Variants in TET3 observed in about 807,000 individuals in gnomAD.
TET3 encodes methylcytosine dioxygenase TET3.
TET3 carries 19 observed loss-of-function variants against 141.4 expected under a neutral mutation model. The ratio of observed to expected loss-of-function variants is 0.13; its 90% CI spans 0.09 to 0.20. TET3 has a LOEUF of 0.20. TET3 is among the 10% of genes least tolerant of loss of function. The pLI is 1.00. For synonymous variants in TET3, 1,043 were observed against 980.9 expected (o/e 1.06, Z -1.18); for missense variants, 1,874 against 2,356.9 (o/e 0.80, Z 4.24).
intron 2 of TET3, among the ~76,000 whole-genome samples, chr2:73,988,054 C>T (rs1684135258): frequency 1.3e-5 from 2 of 152,202 alleles, no homozygotes; most frequent in Non-Finnish European, 2.9e-5. Context: ...AGACTCGGGG[C>T]CCTGTTTCCC....
At chr2:74,035,282 G>A (rs1427518502) in intron 3 of TET3, among the ~76,000 whole-genome samples, 34 of 150,136 alleles carry the variant, frequency 2.3e-4, no homozygotes, top group South Asian at 1.3e-3. Context: ...TGGCCAACAT[G>A]GTGAAACCCT....
intron 7 of TET3, 33 bp from the exon 8 acceptor site, chr2:74,089,864 A>G: frequency 6.2e-7 from 1 of 1,611,206 alleles, no homozygotes; most frequent in Middle Eastern, 1.7e-4. Flanking sequence ...GGGATATTGC[A>G]TCTATATCCC....
chr2:74,134,121 G>GTGTC, the TET3 span, among the ~76,000 whole-genome samples: 8 of 152,200 alleles, frequency 5.3e-5, no homozygotes, highest in African/African-American at 1.9e-4. Flanking sequence ...GGGAATCAGT[G>GTGTC]TGTCTAATTT....
At chr2:74,032,451 C>CTGTGTGTGTGTGTGTGTG (rs61217149) in intron 3 of TET3, among the ~76,000 whole-genome samples, 1 of 71,940 alleles carries the variant, frequency 1.4e-5, no homozygotes, top group African/African-American at 1.1e-4. Flanking sequence ...GGGTGTGTCT[C>CTGTGTGTGTGTGTGTGTG]TGTGTGTGTG....
downstream of TET3, among the ~76,000 whole-genome samples, chr2:74,109,649 C>T (rs1397955564): frequency 1.3e-5 from 2 of 152,204 alleles, no homozygotes; most frequent in African/African-American, 4.8e-5. Context: ...CCCTCTGCCA[C>T]GTGACTACAT....
chr2:73,998,434 G>A (rs1011719201), intron 2 of TET3: 27 of 152,760 alleles, frequency 1.8e-4, no homozygotes, highest in African/African-American at 5.8e-4. Context: ...TAGGAAGCAC[G>A]AAGATGGAGT....
At chr2:73,984,492 C>T (rs912213927), upstream of TET3, among the ~76,000 whole-genome samples, 1 of 151,984 alleles carries the variant, frequency 6.6e-6, no homozygotes, top group African/African-American at 2.4e-5. The surrounding 1 kb of genome is among the most constrained non-coding windows in gnomAD (Gnocchi z 5.6). Context: ...CCGGGGGCGC[C>T]GGGGCTGTCC....
chr2:74,072,463 G>C (rs1346539738), intron 4 of TET3, among the ~76,000 whole-genome samples: 1 of 149,608 alleles, frequency 6.7e-6, no homozygotes, highest in African/African-American at 2.5e-5. Context: ...AGTGAGCCAA[G>C]ATCGCGCCAT....
At chr2:74,123,050 T>C in the TET3 span, 7 of 152,168 alleles carry the variant, frequency 4.6e-5, no homozygotes, top group Admixed American at 4.6e-4. Flanking sequence ...GAAAACCCTC[T>C]ACATGTTTGA....
chr2:73,990,988 T>C (rs1284677536), intron 2 of TET3, among the ~76,000 whole-genome samples: 2 of 152,064 alleles, frequency 1.3e-5, no homozygotes, highest in African/African-American at 4.8e-5. Context: ...TTTGTATTTT[T>C]AGTAGAGATG....
At chr2:74,128,118 T>C in the TET3 span, among the ~76,000 whole-genome samples, 4 of 152,216 alleles carry the variant, frequency 2.6e-5, no homozygotes, top group African/African-American at 4.8e-5. Context: ...CCTCAAACAG[T>C]GTTCTCCTTA....
chr2:74,076,182 C>G (rs1689495162), intron 5 of TET3, among the ~76,000 whole-genome samples: 1 of 151,378 alleles, frequency 6.6e-6, no homozygotes. Context: ...CCCCCTGATT[C>G]TTTAAAAATA....
At position 74,047,661 on chromosome 2, in the gene TET3, C is replaced by T. The variant is rs773203661; in HGVS notation, c.1744C>T (p.Leu582Phe). Residue 582 changes from leucine to phenylalanine, a missense_variant, in exon 4 of 12, where the codon CTC becomes TTC. By Grantham distance (22) the Leu-to-Phe change is conservative. Coordinates refer to ENST00000409262, the MANE Select transcript of TET3 (RefSeq NM_001287491.2). ...DRPPKEKKKK[L>F]PTPAGGPVGT... The stretch of plus-strand genomic sequence containing the variant: ...ACCACCCAAGGAGAAGAAGAAGAAG[C>T]TCCCAACACCAGCTGGAGGTCCCGT... 2 of 1,613,040 alleles carry T rather than the reference C, an allele frequency of 1.2e-6. No individual in the cohort carries two copies. The highest frequency in any genetic ancestry group is 4.5e-5 in the East Asian group (2 of 44,842).
At chr2:74,073,449 T>C in intron 4 of TET3, 100 bp from the exon 5 acceptor site, 1 of 808,268 alleles carries the variant, frequency 1.2e-6, no homozygotes, top group Non-Finnish European at 1.9e-6. Context: ...GTTTCCTGTT[T>C]TCTAGCATGC....
At chr2:74,134,610 T>A in the TET3 span, 1 of 441,728 alleles carries the variant, frequency 2.3e-6, no homozygotes, top group Non-Finnish European at 4.6e-6. Flanking sequence ...AACCTCCCAC[T>A]GCCATGGTAA....
intron 2 of TET3, among the ~76,000 whole-genome samples, chr2:74,000,454 A>G (rs950436120): frequency 1.3e-5 from 2 of 152,204 alleles, no homozygotes; most frequent in African/African-American, 4.8e-5. Context: ...GATGATGCTC[A>G]TGGGAGCTTG....
intron 3 of TET3, among the ~76,000 whole-genome samples, chr2:74,012,687 A>C (rs541146242): frequency 2.6e-5 from 4 of 152,338 alleles, no homozygotes; most frequent in African/African-American, 9.6e-5. Context: ...TTTACCAAAT[A>C]TGTATTGAGT....
At chr2:74,073,148 G>A (rs1457934313) in intron 4 of TET3, among the ~76,000 whole-genome samples, 2 of 152,164 alleles carry the variant, frequency 1.3e-5, no homozygotes, top group African/African-American at 2.4e-5. Flanking sequence ...GTTTTTGGCC[G>A]GGTGCGGTGG....
At chr2:74,033,078 A>G (rs1476574638) in intron 3 of TET3, among the ~76,000 whole-genome samples, 1 of 152,242 alleles carries the variant, frequency 6.6e-6, no homozygotes, top group Admixed American at 6.5e-5. Flanking sequence ...CACAAAAAAT[A>G]CCCAGAAATT....
Sources: gnomAD v4.1 joint callset for allele counts (sites outside exome capture counted in the v4.1 genomes callset) on GRCh38, gnomAD v4.1.1 for gene constraint, Gnocchi (gnomAD v3.1) non-coding constraint, MANE v1.5 for transcripts, NCBI Gene and HGNC (gene_info 2026-07-23, HGNC 2026-07-21) for gene names.